Variants in ANGPT1 observed in about 807,000 individuals in gnomAD.
The protein encoded by ANGPT1 is angiopoietin-1.
ANGPT1 carries 17 observed loss-of-function variants against 62.2 expected under a neutral mutation model. The ratio of observed to expected loss-of-function variants is 0.27; its 90% confidence interval spans 0.19 to 0.41. The LOEUF (loss-of-function observed/expected upper bound fraction) is 0.41, where lower values mean the gene tolerates loss of function less well. Ranked by LOEUF, ANGPT1 falls within the 10% of genes least tolerant of loss-of-function variation. ANGPT1 has a pLI of 1.00. For synonymous variants in ANGPT1, 199 were observed against 198.9 expected, an observed-to-expected ratio of 1.00 and a Z score of 0.00; for missense variants, 478 against 594.9, an observed-to-expected ratio of 0.80 and a Z score of 2.04.
chr8:107,303,050 G>C (rs191057581), intron 5 of ANGPT1, among the ~76,000 whole-genome samples, 190 bp downstream of exon 5: 433 of 151,930 alleles, frequency 2.9e-3, no homozygotes, highest in African/African-American at 0.01. Flanking sequence ...AAAGGTGTGT[G>C]GATTGGGGAT....
chr8:107,434,594 T>C (rs1026073067), intron 1 of ANGPT1, among the ~76,000 whole-genome samples: 1 of 146,310 alleles, frequency 6.8e-6, no homozygotes, highest in Non-Finnish European at 1.5e-5. Context: ...AGACAAACTT[T>C]AAAAAAAAAG....
At chr8:107,457,861 CACACA>C (rs1563631599) in intron 1 of ANGPT1, among the ~76,000 whole-genome samples, 1,295 of 125,862 alleles carry the variant, frequency 0.01, 10 homozygotes, top group East Asian at 0.021. Context: ...CACACACACA[CACACA>C]CCAAGAGGGG....
intron 4 of ANGPT1, among the ~76,000 whole-genome samples, chr8:107,319,546 A>T (rs61528666): frequency 0.18 from 26,735 of 151,586 alleles, 2,590 homozygotes; most frequent in Middle Eastern, 0.3. Context: ...ATATTTACAT[A>T]TAATCCTTCA....
chr8:107,278,397 C>T (rs1813914994), intron 7 of ANGPT1, among the ~76,000 whole-genome samples: 3 of 152,080 alleles, frequency 2.0e-5, no homozygotes, highest in Admixed American at 6.6e-5. Flanking sequence ...AAACAGCTTT[C>T]GTATTAGCAT....
Position 107,497,646 on chromosome 8 carries a change from A to T in ANGPT1, c.-88T>A. 7.3e-7 allele frequency: 1 copy of T among 1,363,584 alleles called. No homozygotes were observed. The highest frequency in any genetic ancestry group is 9.8e-7 in the Non-Finnish European group (1 of 1,020,164). The allele number at this position is 1,363,584 out of a possible 1,614,324, so 84.5% of individuals were successfully genotyped here. A position where few individuals can be genotyped will look rare whatever the true frequency, so the allele number is the denominator to read the frequency against. On this transcript the variant is annotated 5_prime_UTR_variant, in exon 1 of 9. Coordinates refer to ENST00000517746, the MANE Select transcript of ANGPT1 (RefSeq NM_001146.5). The stretch of plus-strand genomic sequence containing the variant: ...AAACTAGTTCTTTATTTCAGGTAAA[A>T]CTGCTTGTTTGTTTGACTCTTTCCC...
intron 1 of ANGPT1, among the ~76,000 whole-genome samples, chr8:107,458,499 C>G (rs988825464): frequency 6.6e-6 from 1 of 151,736 alleles, no homozygotes; most frequent in African/African-American, 2.4e-5. Flanking sequence ...TAAACTAAAA[C>G]AAAGAAAAAA....
intron 1 of ANGPT1, among the ~76,000 whole-genome samples, chr8:107,451,440 G>A (rs1811776772): frequency 6.6e-6 from 1 of 151,798 alleles, no homozygotes; most frequent in Non-Finnish European, 1.5e-5. Flanking sequence ...TAGATATTGA[G>A]GTTAATTTAT....
intron 1 of ANGPT1, among the ~76,000 whole-genome samples, chr8:107,386,017 A>G (rs1049903050): frequency 6.6e-6 from 1 of 152,008 alleles, no homozygotes; most frequent in Non-Finnish European, 1.5e-5. Flanking sequence ...GGTGGACTGA[A>G]TAAAGAAAAT....
At chr8:107,389,550 G>C (rs1018947034) in intron 1 of ANGPT1, among the ~76,000 whole-genome samples, 1 of 151,638 alleles carries the variant, frequency 6.6e-6, no homozygotes, top group African/African-American at 2.4e-5. Context: ...CATTGCACAT[G>C]TTCCACTGGG....
intron 1 of ANGPT1, among the ~76,000 whole-genome samples, chr8:107,447,346 C>T (rs542806063): frequency 6.6e-6 from 1 of 152,274 alleles, no homozygotes; most frequent in East Asian, 1.9e-4. Flanking sequence ...CTCATTATTC[C>T]CTCTATGGTA....
intron 1 of ANGPT1, among the ~76,000 whole-genome samples, chr8:107,408,769 C>T (rs1409933189): frequency 9.9e-5 from 15 of 152,142 alleles, no homozygotes; most frequent in Admixed American, 9.8e-4. Flanking sequence ...GCTTCAAGAA[C>T]ACACAATGAG....
chr8:107,424,992 A>G (rs1456542621), intron 1 of ANGPT1, among the ~76,000 whole-genome samples: 1 of 152,136 alleles, frequency 6.6e-6, no homozygotes, highest in African/African-American at 2.4e-5. Flanking sequence ...CTCCTGCCTC[A>G]GCCTCCTGGG....
At chr8:107,284,093 T>C (rs973735653) in intron 7 of ANGPT1, 1 of 152,228 alleles carries the variant, frequency 6.6e-6, no homozygotes, top group African/African-American at 2.4e-5. Flanking sequence ...ATTAAGTGTA[T>C]AGTTTATCTA....
At chr8:107,430,192 C>T (rs1164511538) in intron 1 of ANGPT1, among the ~76,000 whole-genome samples, 1 of 152,040 alleles carries the variant, frequency 6.6e-6, no homozygotes, top group Non-Finnish European at 1.5e-5. Flanking sequence ...GTTTAATGTT[C>T]TTGGAATTTC....
intron 1 of ANGPT1, among the ~76,000 whole-genome samples, chr8:107,366,218 T>C (rs1305019289): frequency 6.6e-6 from 1 of 152,222 alleles, no homozygotes; most frequent in African/African-American, 2.4e-5. Flanking sequence ...GAGATGAGTT[T>C]TACTAAATCT....
rs998263721 is a variant in ANGPT1, at chr8:107,336,238, G to T, written c.487C>A (p.Leu163Met). The change falls in exon 3 of 9, where the codon CTG becomes ATG. Residue 163 changes from leucine (L) to methionine (M), a missense_variant. By Grantham distance (15) the Leu-to-Met change is conservative. Transcript: ENST00000517746. The stretch of plus-strand genomic sequence containing the variant: ...TAGGTGGATAATGAATTCTCCAGCA[G>T]CTGTATCTCAAGTCGAGAAGTTTGA... ...LNQTSRLEIQLLENSLSTYKL... is the reference protein window; with the variant it reads ...LNQTSRLEIQMLENSLSTYKL... 1 of 1,606,634 alleles carries T rather than the reference G, an allele frequency of 6.2e-7. No homozygotes were observed. Among genetic ancestry groups the T allele is most frequent in the South Asian group, 1.1e-5 (1 of 89,262 alleles).
intron 7 of ANGPT1, among the ~76,000 whole-genome samples, chr8:107,271,906 A>T (rs1260357093): frequency 4.8e-5 from 1 of 20,976 alleles, no homozygotes; most frequent in East Asian, 1.3e-3. Flanking sequence ...GATACTGGTA[A>T]AAAAAAAAAA....
rs576020167 is a variant in ANGPT1, at chr8:107,365,276, C to T, written c.298-18179G>A. ...CACATTTATTCATATGGTTCACTAC[C>T]GGAAACTCAGCATACTTGACAATGG... On this transcript the variant is annotated intron_variant, in intron 1 of 8. Coordinates refer to ENST00000517746, the MANE Select transcript of ANGPT1 (RefSeq NM_001146.5). 2.5e-4 allele frequency among the ~76,000 whole-genome samples: 38 copies of T among 152,188 alleles called. No homozygotes were observed. In the South Asian group the frequency reaches 3.3e-3, roughly 13 times the overall value.
At chr8:107,434,492 G>C (rs1408606461) in intron 1 of ANGPT1, among the ~76,000 whole-genome samples, 1 of 152,086 alleles carries the variant, frequency 6.6e-6, no homozygotes, top group Non-Finnish European at 1.5e-5. Flanking sequence ...GACCTATTCA[G>C]AAAGTCCAGG....
Sources: gnomAD v4.1 joint callset for allele counts (sites outside exome capture counted in the v4.1 genomes callset) on GRCh38, gnomAD v4.1.1 for gene constraint, MANE v1.5 for transcripts, NCBI Gene and HGNC (gene_info 2026-07-23, HGNC 2026-07-21) for gene names.